Variants in ZC3H3 observed in about 807,000 individuals in gnomAD.
ZC3H3 encodes zinc finger CCCH domain-containing protein 3.
A neutral mutation model predicts 77.3 loss-of-function variants in ZC3H3; 36 were observed. That is an observed-to-expected ratio of 0.47 (90% CI 0.36 to 0.61). The LOEUF (loss-of-function observed/expected upper bound fraction) is 0.61, where lower values mean the gene tolerates loss of function less well. Among genes scored for constraint, ZC3H3 ranks in the 20% least tolerant of loss-of-function variants. The pLI is 0.00. For synonymous variants in ZC3H3, 626 were observed against 555.2 expected (o/e 1.13, Z -1.79); for missense variants, 1,331 against 1,312.2 (o/e 1.01, Z -0.22).
At chr8:143,473,677 G>A (rs568133865) in intron 5 of ZC3H3, among the ~76,000 whole-genome samples, 4 of 152,330 alleles carry the variant, frequency 2.6e-5, no homozygotes, top group Non-Finnish European at 5.9e-5. Flanking sequence ...GAGGCCCAGG[G>A]GAAGGTGGGA....
intron 4 of ZC3H3, among the ~76,000 whole-genome samples, chr8:143,482,113 G>A (rs895689584): frequency 5.3e-5 from 8 of 152,218 alleles, no homozygotes; most frequent in African/African-American, 1.4e-4. Context: ...AGGCACTCAG[G>A]TCCTGCTGGC....
intron 1 of ZC3H3, among the ~76,000 whole-genome samples, chr8:143,540,445 G>A (rs2130532084): frequency 6.6e-6 from 1 of 152,288 alleles, no homozygotes; most frequent in African/African-American, 2.4e-5. Context: ...GCCCAGGATG[G>A]TCTCAAACTC....
chr8:143,503,199 C>T (rs542283644), intron 4 of ZC3H3, among the ~76,000 whole-genome samples: 7 of 152,304 alleles, frequency 4.6e-5, no homozygotes, highest in East Asian at 1.9e-4. Flanking sequence ...CAGGGCAACG[C>T]GGCCTCTGAT....
Position 143,494,584 on chromosome 8 carries a change from G to A in ZC3H3, c.1715+13162C>T, listed in dbSNP as rs148060910. 2.0e-4 allele frequency among the ~76,000 whole-genome samples: 30 copies of A among 152,252 alleles called. 1 individual carries two copies. The East Asian group carries it at 5.8e-3, about 29-fold the overall frequency. ...GCAGAACCCAGAGCGAGGGCCAGCC[G>A]GGAAGGAGGGCCGGCCGGGACAGGA... On this transcript the variant is annotated intron_variant, in intron 4 of 11. Transcript: ENST00000262577. The surrounding 1 kb of genome is among the most constrained non-coding windows in gnomAD (Gnocchi z 5.3).
At chr8:143,484,336 A>G (rs1199700457) in intron 4 of ZC3H3, among the ~76,000 whole-genome samples, 1 of 152,142 alleles carries the variant, frequency 6.6e-6, no homozygotes, top group Non-Finnish European at 1.5e-5. Context: ...GGCAATACTA[A>G]TGACACTGCC....
chr8:143,537,739 G>C (rs533715373), intron 2 of ZC3H3, among the ~76,000 whole-genome samples: 1 of 152,230 alleles, frequency 6.6e-6, no homozygotes, highest in South Asian at 2.1e-4. Context: ...CCCCCAGCGA[G>C]CTGCTTGTCT....
intron 5 of ZC3H3, 119 bp from the exon 6 acceptor site, chr8:143,468,778 C>A (rs1250487952): frequency 7.5e-7 from 1 of 1,335,822 alleles, no homozygotes; most frequent in Non-Finnish European, 1.0e-6. Flanking sequence ...GGCACAGCCT[C>A]CCCTCCAGGA....
chr8:143,471,344 G>A lies in ZC3H3; in HGVS notation c.1904-2685C>T, dbSNP rs571210347. ...AGGCAGTGTGGGGCGGGGGCAAGCC[G>A]ACAGGGCCTTCGTCACCCCAGGGAG... is the stretch of plus-strand genomic sequence containing the variant. On this transcript the variant is annotated intron_variant, in intron 5 of 11. Coordinates refer to ENST00000262577, the MANE Select transcript of ZC3H3 (RefSeq NM_015117.3). Among the ~76,000 whole-genome samples, 39 of 152,352 alleles carry A rather than the reference G, an allele frequency of 2.6e-4. No individual in the cohort carries two copies. In the East Asian group the frequency reaches 6.2e-3, roughly 24 times the overall value.
intron 4 of ZC3H3, among the ~76,000 whole-genome samples, chr8:143,502,464 T>A (rs925357567): frequency 2.0e-5 from 3 of 152,138 alleles, no homozygotes; most frequent in Admixed American, 6.6e-5. Flanking sequence ...CTGGCCTAAC[T>A]CTCGTCAAAA....
intron 4 of ZC3H3, among the ~76,000 whole-genome samples, chr8:143,482,185 TC>T (rs1330939399): frequency 6.6e-6 from 1 of 152,230 alleles, no homozygotes; most frequent in Non-Finnish European, 1.5e-5. Context: ...AGTTCTGGTT[TC>T]TGGAAAGCAC....
intron 4 of ZC3H3, 77 bp from the exon 5 acceptor site, chr8:143,475,662 GC>G: frequency 6.9e-7 from 1 of 1,450,898 alleles, no homozygotes. Flanking sequence ...CAGGGGCCGA[GC>G]CCAGGCCTGG....
intron 4 of ZC3H3, among the ~76,000 whole-genome samples, chr8:143,500,461 G>T (rs373759398): frequency 3.9e-5 from 6 of 152,250 alleles, no homozygotes; most frequent in Admixed American, 2.0e-4. Context: ...AGGATGAGGC[G>T]GGCAGGGCGT....
At chr8:143,523,722 C>T (rs1210790630) in intron 3 of ZC3H3, among the ~76,000 whole-genome samples, 3 of 152,236 alleles carry the variant, frequency 2.0e-5, no homozygotes, top group African/African-American at 7.2e-5. Context: ...GCTCCCCACC[C>T]CTGAATCACC....
intron 4 of ZC3H3, among the ~76,000 whole-genome samples, chr8:143,482,509 T>C (rs1160790069): frequency 6.6e-6 from 1 of 152,092 alleles, no homozygotes; most frequent in Non-Finnish European, 1.5e-5. Flanking sequence ...CAGGAGGCCC[T>C]GGTCAGTTAC....
chr8:143,440,944 G>A lies in ZC3H3; in HGVS notation c.2484C>T (p.His828=), dbSNP rs537810616. Residue 828 remains histidine (H), a synonymous_variant, in exon 10 of 12, where the codon CAC becomes CAT. Transcript: ENST00000262577. ...ATARSRVSAS[H]GPRKPSASQR... ...GCCCACTGCCCCATCACCTGGGCCC[G>A]TGGCTGGCCGAGACCCTGCTCCTGG... 34 of 1,426,138 alleles carry A rather than the reference G, an allele frequency of 2.4e-5. No homozygotes were observed. The South Asian group carries it at 4.0e-4, about 17-fold the overall frequency. The allele number at this position is 1,426,138 out of a possible 1,614,324, so 88.3% of individuals were successfully genotyped here.
intron 4 of ZC3H3, among the ~76,000 whole-genome samples, chr8:143,483,779 C>T (rs1820973099): frequency 6.6e-6 from 1 of 152,216 alleles, no homozygotes; most frequent in Admixed American, 6.5e-5. Context: ...CCCCTATCCT[C>T]CAAACCCCTA....
At position 143,496,048 on chromosome 8, in the gene ZC3H3, T is replaced by A. The variant is rs73369477; in HGVS notation, c.1715+11698A>T. Among the ~76,000 whole-genome samples the A allele has an allele frequency of 6.7e-4, 102 of 152,308 alleles. 1 individual carries two copies. Among genetic ancestry groups the A allele is most frequent in the African/African-American group, 2.4e-3 (99 of 41,572 alleles). ...TATCTGTTAATACTACTGGAACTTG[T>A]GTGCTAGGCCTGAGCAAATGAGCAG... is the stretch of plus-strand genomic sequence containing the variant. On this transcript the variant is annotated intron_variant, in intron 4 of 11. Coordinates refer to ENST00000262577, the MANE Select transcript of ZC3H3 (RefSeq NM_015117.3).
intron 3 of ZC3H3, 134 bp downstream of exon 3, chr8:143,536,123 C>G: frequency 2.7e-6 from 3 of 1,116,806 alleles, no homozygotes; most frequent in Non-Finnish European, 3.7e-6. Context: ...CCACCACCGT[C>G]TGCCAGGCAG....
At chr8:143,502,818 C>T (rs1248426976) in intron 4 of ZC3H3, among the ~76,000 whole-genome samples, 1 of 152,228 alleles carries the variant, frequency 6.6e-6, no homozygotes, top group Admixed American at 6.5e-5. Context: ...TTCAGGGTGA[C>T]TCCTCCAAAA....
Sources: allele counts gnomAD v4.1 joint callset (sites outside exome capture counted in the v4.1 genomes callset), GRCh38; gene constraint gnomAD v4.1.1; non-coding constraint Gnocchi (gnomAD v3.1); transcripts MANE v1.5; gene names NCBI Gene and HGNC (gene_info 2026-07-23, HGNC 2026-07-21).